The following CNTNAP2 variants were observed in gnomAD, a reference collection of about 807,000 sequenced individuals.
The protein encoded by CNTNAP2 is contactin-associated protein-like 2.
CNTNAP2 carries 98 observed loss-of-function variants against 155.2 expected under a neutral mutation model. The ratio of observed to expected loss-of-function variants is 0.63; its 90% CI spans 0.54 to 0.75. The LOEUF (loss-of-function observed/expected upper bound fraction) is 0.75, where lower values mean the gene tolerates loss of function less well. CNTNAP2 is among the 30% of genes least tolerant of loss of function. The pLI, the probability that CNTNAP2 is intolerant of heterozygous loss-of-function variation, is 0.00. For synonymous variants in CNTNAP2, 651 were observed against 631.2 expected (o/e 1.03, Z -0.47); for missense variants, 1,727 against 1,688.1 (o/e 1.02, Z -0.40).
chr7:147,970,824 G>A lies in CNTNAP2; in HGVS notation c.2256-7038G>A, dbSNP rs186968006. 4.6e-5 allele frequency among the ~76,000 whole-genome samples: 7 copies of A among 152,260 alleles called. No individual in the cohort carries two copies. The East Asian group carries it at 1.4e-3, about 29-fold the overall frequency. ...AGACACAGTCCCTAAATCTAGTTTG[G>A]AAAAGTGACAGATGTTTCAGGTTGG... On this transcript the variant is annotated intron_variant, in intron 14 of 23. Coordinates refer to ENST00000361727, the MANE Select transcript of CNTNAP2 (RefSeq NM_014141.6).
chr7:147,907,783 T>G (rs1799988323), intron 14 of CNTNAP2, among the ~76,000 whole-genome samples: 1 of 150,334 alleles, frequency 6.7e-6, no homozygotes, highest in Non-Finnish European at 1.5e-5. Context: ...AAAATTTATT[T>G]TCTTTATTTA....
At chr7:147,073,721 G>T (rs147316990) in intron 4 of CNTNAP2, among the ~76,000 whole-genome samples, 8 of 152,156 alleles carry the variant, frequency 5.3e-5, no homozygotes, top group African/African-American at 1.7e-4. Flanking sequence ...AGACAGAAAT[G>T]GGCACCAGGG....
chr7:147,247,546 C>T (rs1455088752), intron 8 of CNTNAP2, among the ~76,000 whole-genome samples: 1 of 152,066 alleles, frequency 6.6e-6, no homozygotes, highest in Non-Finnish European at 1.5e-5. Flanking sequence ...TTCATGTTTG[C>T]ATTCAAAGAT....
intron 20 of CNTNAP2, among the ~76,000 whole-genome samples, chr7:148,245,505 A>G (rs568670028): frequency 6.6e-6 from 1 of 152,238 alleles, no homozygotes; most frequent in African/African-American, 2.4e-5. Flanking sequence ...TCCTTCTCCC[A>G]AATCCTTTCA....
intron 20 of CNTNAP2, among the ~76,000 whole-genome samples, chr7:148,248,735 CTT>C (rs890621737): frequency 6.6e-6 from 1 of 151,970 alleles, no homozygotes; most frequent in African/African-American, 2.4e-5. Flanking sequence ...ATAGAGCAGA[CTT>C]TTTTTTATTT....
intron 3 of CNTNAP2, among the ~76,000 whole-genome samples, chr7:146,874,464 C>T (rs1251384190): frequency 1.1e-4 from 17 of 152,066 alleles, no homozygotes; most frequent in Admixed American, 1.0e-3. Flanking sequence ...CTCGGCTTCC[C>T]GAGTAGCTGG....
chr7:146,990,836 G>A (rs1414994717), intron 3 of CNTNAP2, among the ~76,000 whole-genome samples: 3 of 152,026 alleles, frequency 2.0e-5, no homozygotes, highest in African/African-American at 7.2e-5. Flanking sequence ...ATGACTTTTT[G>A]AAGTCACCAC....
At chr7:146,970,427 A>G (rs1170568900) in intron 3 of CNTNAP2, among the ~76,000 whole-genome samples, 2 of 152,230 alleles carry the variant, frequency 1.3e-5, no homozygotes, top group African/African-American at 2.4e-5. Context: ...TCTCAAAAGA[A>G]GACATTTATG....
At chr7:147,689,379 C>T (rs148178723) in intron 13 of CNTNAP2, among the ~76,000 whole-genome samples, 1 of 151,984 alleles carries the variant, frequency 6.6e-6, no homozygotes, top group Non-Finnish European at 1.5e-5. Context: ...GAACTCCTGA[C>T]CTCAAGTGAT....
chr7:146,871,586 A>T (rs556708245), intron 3 of CNTNAP2, among the ~76,000 whole-genome samples: 1 of 151,992 alleles, frequency 6.6e-6, no homozygotes, highest in African/African-American at 2.4e-5. Context: ...TAGCTACATG[A>T]GCTCAGTCAT....
chr7:147,875,154 A>G (rs1232245277), intron 13 of CNTNAP2, among the ~76,000 whole-genome samples: 1 of 152,172 alleles, frequency 6.6e-6, no homozygotes, highest in Non-Finnish European at 1.5e-5. Flanking sequence ...GTATCTTTAT[A>G]TCAGTACACC....
At chr7:147,735,575 C>G (rs1408997934) in intron 13 of CNTNAP2, among the ~76,000 whole-genome samples, 6 of 146,764 alleles carry the variant, frequency 4.1e-5, no homozygotes, top group Non-Finnish European at 7.7e-5. Context: ...CCTGGATATC[C>G]TTGATAACTT....
intron 9 of CNTNAP2, among the ~76,000 whole-genome samples, chr7:147,345,188 C>T (rs1795833625): frequency 6.6e-6 from 1 of 151,994 alleles, no homozygotes; most frequent in South Asian, 2.1e-4. Flanking sequence ...CAACTGAAAA[C>T]AATGAAAACT....
intron 13 of CNTNAP2, among the ~76,000 whole-genome samples, chr7:147,745,588 G>C (rs986522457): frequency 6.6e-6 from 1 of 152,174 alleles, no homozygotes; most frequent in African/African-American, 2.4e-5. Context: ...ACATGAAACT[G>C]TAATGCGATT....
At chr7:147,867,776 C>T (rs147535436) in intron 13 of CNTNAP2, among the ~76,000 whole-genome samples, 6 of 152,142 alleles carry the variant, frequency 3.9e-5, no homozygotes, top group East Asian at 1.9e-4. Flanking sequence ...ACAAAGTTCG[C>T]GTGCCATGGT....
intron 3 of CNTNAP2, among the ~76,000 whole-genome samples, chr7:147,022,263 G>T (rs1798830294): frequency 6.6e-6 from 1 of 152,080 alleles, no homozygotes; most frequent in Non-Finnish European, 1.5e-5. Context: ...TCTACAGTGA[G>T]TCCTAGATCA....
At chr7:148,202,686 C>T (rs1795386770) in intron 18 of CNTNAP2, among the ~76,000 whole-genome samples, 1 of 152,154 alleles carries the variant, frequency 6.6e-6, no homozygotes, top group Admixed American at 6.5e-5. Flanking sequence ...TGTCTCCTCA[C>T]TTGAAAATAT....
At chr7:147,658,366 A>G (rs1400937284) in intron 13 of CNTNAP2, among the ~76,000 whole-genome samples, 1 of 152,092 alleles carries the variant, frequency 6.6e-6, no homozygotes, top group Non-Finnish European at 1.5e-5. Flanking sequence ...TAGTTCAATC[A>G]CAAGCATAAT....
intron 11 of CNTNAP2, among the ~76,000 whole-genome samples, chr7:147,494,984 ATAT>A (rs1798677654): frequency 6.6e-6 from 1 of 152,186 alleles, no homozygotes; most frequent in Non-Finnish European, 1.5e-5. Flanking sequence ...TCATTCAACA[ATAT>A]TATGCATCTC....
Sources: allele counts gnomAD v4.1 joint callset (sites outside exome capture counted in the v4.1 genomes callset), GRCh38; gene constraint gnomAD v4.1.1; transcripts MANE v1.5; gene names NCBI Gene and HGNC (gene_info 2026-07-23, HGNC 2026-07-21).